The following SLC2A9 variants were observed in gnomAD, a reference collection of about 807,000 sequenced individuals.
SLC2A9 encodes the protein solute carrier family 2 member 9, also known as solute carrier family 2, facilitated glucose transporter member 9.
Under a neutral mutation model 50.6 loss-of-function variants are expected in SLC2A9, and 39 were observed. That is an observed-to-expected ratio of 0.77 (90% CI 0.60 to 1.01). The LOEUF is 1.01. Ranked by LOEUF, SLC2A9 falls within the 50% of genes least tolerant of loss-of-function variation. The probability of loss-of-function intolerance (pLI) is 0.00; values close to 1 mark genes in which losing one functional copy is unlikely to be tolerated. For synonymous variants in SLC2A9, 324 were observed against 276.9 expected, an observed-to-expected ratio of 1.17 and a Z score of -1.69; for missense variants, 686 against 677.6, an observed-to-expected ratio of 1.01 and a Z score of -0.14.
intron 1 of SLC2A9, among the ~76,000 whole-genome samples, chr4:9,774,788 T>C (rs1252827588): frequency 1.3e-5 from 2 of 151,996 alleles, no homozygotes; most frequent in Non-Finnish European, 2.9e-5. Flanking sequence ...TCCTTCTTTT[T>C]CTCTATCTTC....
At chr4:9,991,111 G>A (rs779611747) in intron 3 of SLC2A9, among the ~76,000 whole-genome samples, 33 of 152,196 alleles carry the variant, frequency 2.2e-4, no homozygotes, top group Non-Finnish European at 4.4e-4. Flanking sequence ...TGACTCTGTG[G>A]TGTGATTATG....
At chr4:9,786,349 G>A (rs771502649) in intron 3 of SLC2A9, among the ~76,000 whole-genome samples, 18 of 152,244 alleles carry the variant, frequency 1.2e-4, no homozygotes, top group South Asian at 2.1e-4. Flanking sequence ...TAGCCTGGCC[G>A]TGGAGTCTTT....
At chr4:9,927,137 C>A (rs1223186391) in intron 6 of SLC2A9, among the ~76,000 whole-genome samples, 2 of 150,660 alleles carry the variant, frequency 1.3e-5, no homozygotes, top group Non-Finnish European at 2.9e-5. Flanking sequence ...TCAAGTGATT[C>A]TTCTGCCTCA....
intron 5 of SLC2A9, among the ~76,000 whole-genome samples, chr4:9,950,744 T>C (rs1258178692): frequency 3.2e-5 from 1 of 30,776 alleles, no homozygotes; most frequent in Admixed American, 3.9e-4. Context: ...ATACAAAAAA[T>C]TAGCCGGGCG....
chr4:9,890,500 A>G, intron 9 of SLC2A9, 110 bp downstream of exon 9: 2 of 1,016,220 alleles, frequency 2.0e-6, no homozygotes, highest in Non-Finnish European at 3.1e-6. Flanking sequence ...GCTTTATCAC[A>G]AGTGTTTTCT....
intron 8 of SLC2A9, among the ~76,000 whole-genome samples, chr4:9,891,400 A>T (rs1737404180): frequency 1.3e-5 from 2 of 152,224 alleles, no homozygotes; most frequent in Non-Finnish European, 2.9e-5. Flanking sequence ...ACCTGGGTTT[A>T]TATTCCGGCT....
intron 7 of SLC2A9, among the ~76,000 whole-genome samples, chr4:9,916,633 T>G (rs1179696405): frequency 6.6e-6 from 1 of 152,138 alleles, no homozygotes; most frequent in Non-Finnish European, 1.5e-5. Flanking sequence ...ATCATCCCCA[T>G]TTTTCAGGAT....
downstream of SLC2A9, chr4:9,799,057 T>G (rs1720965218): frequency 6.6e-6 from 1 of 152,204 alleles, no homozygotes; most frequent in Non-Finnish European, 1.5e-5. Flanking sequence ...GACTCCTATG[T>G]TCCCTGGCTC....
rs1731367871 is a variant in SLC2A9, at chr4:9,860,087, A to G, written c.1292-25079T>C. ...TTTTCACAGCAGAGGGAGTGAGAAC[A>G]GCCCGCAGTTCCTGTTGGATGGCAC... is the stretch of plus-strand genomic sequence containing the variant. On this transcript the variant is annotated intron_variant, in intron 10 of 11. Coordinates refer to ENST00000264784, the MANE Select transcript of SLC2A9 (RefSeq NM_020041.3). Among the ~76,000 whole-genome samples, 3 of 152,170 alleles carry G rather than the reference A, an allele frequency of 2.0e-5. 1 individual carries two copies. The highest frequency in any genetic ancestry group is 7.2e-5 in the African/African-American group (3 of 41,432).
chr4:9,944,561 G>A (rs928735098), intron 5 of SLC2A9, among the ~76,000 whole-genome samples: 5 of 152,318 alleles, frequency 3.3e-5, no homozygotes, highest in African/African-American at 1.2e-4. Context: ...ACCTCAGGGT[G>A]GGCAGCCCCC....
intron 11 of SLC2A9, among the ~76,000 whole-genome samples, chr4:9,827,752 C>A (rs980696328): frequency 9.2e-5 from 14 of 152,204 alleles, no homozygotes; most frequent in Non-Finnish European, 1.5e-4. Flanking sequence ...GGGTGCTTAG[C>A]TCTTGAGACT....
At chr4:9,802,770 C>T (rs1303715069) in intron 3 of SLC2A9, among the ~76,000 whole-genome samples, 1 of 152,044 alleles carries the variant, frequency 6.6e-6, no homozygotes, top group Non-Finnish European at 1.5e-5. Context: ...ACCATGTTGG[C>T]CGGGCTGGTC....
downstream of SLC2A9, among the ~76,000 whole-genome samples, chr4:9,778,276 C>T (rs145895721): frequency 2.9e-3 from 435 of 152,138 alleles, 2 homozygotes; most frequent in African/African-American, 9.7e-3. Context: ...CATCCCACCA[C>T]GCCTGGCTAA....
intron 10 of SLC2A9, among the ~76,000 whole-genome samples, chr4:9,857,019 C>G (rs184245647): frequency 6.6e-6 from 1 of 152,206 alleles, no homozygotes; most frequent in East Asian, 1.9e-4. Flanking sequence ...ATGCTTATTA[C>G]CTGGGTGATG....
chr4:9,794,062 T>A (rs971944402), intron 3 of SLC2A9, among the ~76,000 whole-genome samples: 3 of 152,198 alleles, frequency 2.0e-5, no homozygotes, highest in Admixed American at 1.3e-4. Flanking sequence ...CATGCTTACA[T>A]CTTGAGTGTA....
At chr4:10,027,923 G>A (rs1454861179) in intron 1 of SLC2A9, among the ~76,000 whole-genome samples, 2 of 152,080 alleles carry the variant, frequency 1.3e-5, no homozygotes, top group Non-Finnish European at 2.9e-5. Flanking sequence ...GCTGATCTAC[G>A]GAACACCAGG....
intron 10 of SLC2A9, chr4:9,879,959 T>A (rs1237353052): frequency 1.0e-6 from 1 of 985,372 alleles, no homozygotes; most frequent in African/African-American, 1.7e-5. Context: ...TCAAGTCTTC[T>A]TACATCGACC....
downstream of SLC2A9, among the ~76,000 whole-genome samples, chr4:9,778,549 C>T (rs753101239): frequency 6.6e-6 from 1 of 152,202 alleles, no homozygotes; most frequent in Non-Finnish European, 1.5e-5. Context: ...CCCTGCAAAA[C>T]TCCACCCACA....
At chr4:10,000,147 G>A (rs560353526) in intron 2 of SLC2A9, among the ~76,000 whole-genome samples, 8 of 152,248 alleles carry the variant, frequency 5.3e-5, no homozygotes, top group East Asian at 1.9e-4. Context: ...CTCATAGCAC[G>A]GAGTGAGGAT....
Sources: gnomAD v4.1 joint callset for allele counts (sites outside exome capture counted in the v4.1 genomes callset) on GRCh38, gnomAD v4.1.1 for gene constraint, MANE v1.5 for transcripts, NCBI Gene and HGNC (gene_info 2026-07-23, HGNC 2026-07-21) for gene names.